CCDC73: variants seen among roughly 807,000 people sequenced by gnomAD.
The protein encoded by CCDC73 is coiled-coil domain-containing protein 73.
Under a neutral mutation model 116.5 loss-of-function variants are expected in CCDC73, and 95 were observed. That is an observed-to-expected ratio of 0.82 (90% CI 0.69 to 0.97). The LOEUF is 0.97. Among genes scored for constraint, CCDC73 ranks in the 50% least tolerant of loss-of-function variants. CCDC73 has a pLI of 0.00. For missense variants in CCDC73, 1,066 were observed against 1,206.8 expected, an observed-to-expected ratio of 0.88 and a Z score of 1.73; for synonymous variants, 398 against 401.3, an observed-to-expected ratio of 0.99 and a Z score of 0.10.
At chr11:32,803,839 G>T in the CCDC73 span, among the ~76,000 whole-genome samples, 1 of 152,010 alleles carries the variant, frequency 6.6e-6, no homozygotes, top group South Asian at 2.1e-4. Context: ...ACAGAGTCTC[G>T]CTCTGTCACC....
intron 2 of CCDC73, among the ~76,000 whole-genome samples, chr11:32,745,924 C>A (rs1233625634): frequency 1.3e-5 from 2 of 152,060 alleles, no homozygotes. Context: ...AGCCCATTTA[C>A]ATTTAAGGTT....
At chr11:32,678,978 T>C (rs1404659010) in intron 7 of CCDC73, among the ~76,000 whole-genome samples, 1 of 152,016 alleles carries the variant, frequency 6.6e-6, no homozygotes, top group Non-Finnish European at 1.5e-5. Context: ...CTATATTATC[T>C]TGGCAAGTCT....
the CCDC73 span, among the ~76,000 whole-genome samples, chr11:32,805,040 A>G: frequency 6.6e-6 from 1 of 152,236 alleles, no homozygotes; most frequent in Non-Finnish European, 1.5e-5. Context: ...AAAAGTCATC[A>G]GAAAGTAGTT....
intron 12 of CCDC73, among the ~76,000 whole-genome samples, chr11:32,647,258 A>G (rs1337611432): frequency 6.6e-6 from 1 of 152,202 alleles, no homozygotes; most frequent in African/African-American, 2.4e-5. Context: ...GTGAAGTGGG[A>G]GCTTGCACAT....
At chr11:32,818,956 G>C in the CCDC73 span, among the ~76,000 whole-genome samples, 1 of 152,074 alleles carries the variant, frequency 6.6e-6, no homozygotes, top group Non-Finnish European at 1.5e-5. Context: ...GCTTCTTTTG[G>C]GGGCCATGAA....
At chr11:32,784,404 C>T (rs1187129632) in intron 1 of CCDC73, among the ~76,000 whole-genome samples, 2 of 151,346 alleles carry the variant, frequency 1.3e-5, no homozygotes, top group South Asian at 4.2e-4. Flanking sequence ...CAGAATATTA[C>T]AATAGTTCAG....
chr11:32,760,217 T>A lies in CCDC73; in HGVS notation c.27A>T (p.Ser9=). ...AACTTTGAAGAGTAAAAGTAGATGATGACTCAGTATTGAAGTTGCTTTCCA... is the reference window on the plus strand; with the variant it reads ...AACTTTGAAGAGTAAAAGTAGATGAAGACTCAGTATTGAAGTTGCTTTCCA... The part of the protein sequence containing the change: MESNFNTE[S]SSTFTLQSSS... The change falls in exon 2 of 18, where the codon TCA becomes TCT. Residue 9 remains serine, a synonymous_variant. Coordinates refer to ENST00000335185, the MANE Select transcript of CCDC73 (RefSeq NM_001008391.4). 6.3e-7 allele frequency: 1 copy of A among 1,581,520 alleles called. No individual in the cohort carries two copies. Among genetic ancestry groups the A allele is most frequent in the Non-Finnish European group, 8.6e-7 (1 of 1,158,580 alleles).
At chr11:32,708,015 T>A (rs1253792190) in intron 3 of CCDC73, among the ~76,000 whole-genome samples, 1 of 152,212 alleles carries the variant, frequency 6.6e-6, no homozygotes, top group Non-Finnish European at 1.5e-5. Flanking sequence ...TTTATGGTTA[T>A]TCTAGAATTT....
chr11:32,824,493 G>A, the CCDC73 span, among the ~76,000 whole-genome samples: 1 of 152,220 alleles, frequency 6.6e-6, no homozygotes, highest in Non-Finnish European at 1.5e-5. Context: ...AGAAGAGGTA[G>A]AGAGAATTCA....
chr11:32,603,354 T>C (rs983065733), intron 17 of CCDC73: 2 of 194,956 alleles, frequency 1.0e-5, no homozygotes, highest in African/African-American at 4.6e-5. Context: ...AGACACTGTA[T>C]TGGGTAATTT....
chr11:32,624,445 A>G (rs1055576775), intron 14 of CCDC73, among the ~76,000 whole-genome samples: 3 of 152,234 alleles, frequency 2.0e-5, no homozygotes, highest in Admixed American at 1.3e-4. Flanking sequence ...ACAAACATAC[A>G]CAAAGATATT....
At chr11:32,645,614 G>T (rs1301744278) in intron 12 of CCDC73, among the ~76,000 whole-genome samples, 1 of 151,880 alleles carries the variant, frequency 6.6e-6, no homozygotes, top group Non-Finnish European at 1.5e-5. Flanking sequence ...TAAATAGGAG[G>T]AGTAAACTAA....
intron 3 of CCDC73, among the ~76,000 whole-genome samples, chr11:32,714,170 TGAA>T (rs1391856974): frequency 6.6e-6 from 1 of 151,970 alleles, no homozygotes; most frequent in Non-Finnish European, 1.5e-5. Context: ...TCCTCAAACT[TGAA>T]GAAAAGTAGA....
At chr11:32,807,533 T>C in the CCDC73 span, among the ~76,000 whole-genome samples, 1 of 152,196 alleles carries the variant, frequency 6.6e-6, no homozygotes, top group Non-Finnish European at 1.5e-5. Flanking sequence ...CAGGACAGCT[T>C]TGAATGCAGC....
At chr11:32,616,182 C>G in intron 14 of CCDC73, 53 bp from the exon 15 acceptor site, 1 of 1,475,264 alleles carries the variant, frequency 6.8e-7, no homozygotes. Context: ...AAGTATAAAA[C>G]ATTTGAGCAA....
At chr11:32,647,417 A>G (rs1855788594) in intron 12 of CCDC73, among the ~76,000 whole-genome samples, 1 of 152,214 alleles carries the variant, frequency 6.6e-6, no homozygotes, top group African/African-American at 2.4e-5. Context: ...ACCTCCCACC[A>G]GGTCCCACCT....
intron 1 of CCDC73, among the ~76,000 whole-genome samples, chr11:32,766,729 A>C (rs1288986386): frequency 6.6e-6 from 1 of 152,238 alleles, no homozygotes; most frequent in East Asian, 1.9e-4. Flanking sequence ...AATTGCTTCA[A>C]AGAGAATAAA....
At chr11:32,734,580 A>G (rs1850111461) in intron 2 of CCDC73, among the ~76,000 whole-genome samples, 1 of 152,112 alleles carries the variant, frequency 6.6e-6, no homozygotes, top group African/African-American at 2.4e-5. Flanking sequence ...AGCCTTCCGC[A>G]GTGTTTGTGT....
chr11:32,795,579 A>C (rs758031201), upstream of CCDC73, among the ~76,000 whole-genome samples: 1 of 152,016 alleles, frequency 6.6e-6, no homozygotes, highest in African/African-American at 2.4e-5. Flanking sequence ...AACTAATGCT[A>C]TGTTTCAGTA....
Sources: gnomAD v4.1 joint callset for allele counts (sites outside exome capture counted in the v4.1 genomes callset) on GRCh38, gnomAD v4.1.1 for gene constraint, MANE v1.5 for transcripts, NCBI Gene and HGNC (gene_info 2026-07-23, HGNC 2026-07-21) for gene names.